Variants in SWT1 observed in about 807,000 individuals in gnomAD.
SWT1 encodes SWT1 RNA endoribonuclease homolog, also known as transcriptional protein SWT1.
In SWT1, 33 loss-of-function variants were observed where a neutral mutation model predicts 107.3. The observed-to-expected ratio is 0.31, with a 90% CI of 0.23 to 0.41. The LOEUF is 0.41. SWT1 is among the 10% of genes least tolerant of loss of function. The pLI is 1.00. For missense variants in SWT1, 898 were observed against 1,028.9 expected (o/e 0.87, Z 1.74); for synonymous variants, 345 against 348.3 (o/e 0.99, Z 0.11).
chr1:185,279,265 G>A (rs1427555924), intron 18 of SWT1, among the ~76,000 whole-genome samples: 2 of 152,234 alleles, frequency 1.3e-5, no homozygotes, highest in East Asian at 1.9e-4. Context: ...GTAGATACAT[G>A]GAGGCCACAA....
At chr1:185,169,309 C>CT (rs1361769845) in intron 4 of SWT1, among the ~76,000 whole-genome samples, 2 of 118,430 alleles carry the variant, frequency 1.7e-5, no homozygotes, top group Non-Finnish European at 3.5e-5. Context: ...ATTTTAAGTT[C>CT]TAAAACACTA....
chr1:185,203,786 C>G (rs769527596), intron 11 of SWT1, among the ~76,000 whole-genome samples: 1 of 151,964 alleles, frequency 6.6e-6, no homozygotes, highest in Non-Finnish European at 1.5e-5. Flanking sequence ...ATTGAAGTCT[C>G]TAATATATGT....
intron 10 of SWT1, among the ~76,000 whole-genome samples, 197 bp downstream of exon 10, chr1:185,190,839 T>G (rs1656890823): frequency 6.6e-6 from 1 of 152,198 alleles, no homozygotes; most frequent in Non-Finnish European, 1.5e-5. Context: ...AGATGAAGTT[T>G]CATTTCAGTT....
chr1:185,164,154 G>A (rs1654384911), intron 2 of SWT1, among the ~76,000 whole-genome samples: 1 of 151,796 alleles, frequency 6.6e-6, no homozygotes, highest in Non-Finnish European at 1.5e-5. Flanking sequence ...CCAGTGAGCA[G>A]TAATATTTTG....
intron 5 of SWT1, chr1:185,176,674 T>C (rs991001796): frequency 1.0e-6 from 1 of 985,294 alleles, no homozygotes; most frequent in Admixed American, 6.2e-5. Context: ...TAAGCCTACC[T>C]GCTTTTAGGT....
chr1:185,245,776 T>G (rs1661562689), intron 16 of SWT1, among the ~76,000 whole-genome samples: 1 of 146,684 alleles, frequency 6.8e-6, no homozygotes, highest in Admixed American at 6.8e-5. Context: ...CATTATAATC[T>G]TTTTTTTTTT....
Position 185,217,408 on chromosome 1 carries a change from T to C in SWT1, c.2121+2753T>C, listed in dbSNP as rs116000460. Among the ~76,000 whole-genome samples, 873 of 152,288 alleles carry C rather than the reference T, an allele frequency of 5.7e-3. 8 individuals are homozygous for C. The highest frequency in any genetic ancestry group is 0.02 in the African/African-American group (839 of 41,564). On this transcript the variant is annotated intron_variant, in intron 14 of 18. Transcript: ENST00000367500. ...GATCAGCAGTGGGATTAGATTCTTA[T>C]AGGAGCATGAACCCTATTGTGAACT...
intron 8 of SWT1, 111 bp downstream of exon 8, chr1:185,184,455 TATATTAAGC>T (rs1216604998): frequency 2.9e-6 from 2 of 694,154 alleles, no homozygotes; most frequent in East Asian, 5.5e-5. Flanking sequence ...AGATATGCTA[TATATTAAGC>T]ATATTCAGTG....
intron 18 of SWT1, among the ~76,000 whole-genome samples, chr1:185,277,657 A>G (rs1453656535): frequency 6.6e-6 from 1 of 152,194 alleles, no homozygotes; most frequent in African/African-American, 2.4e-5. Context: ...AGAGAGTCTT[A>G]GATTCCCTGT....
chr1:185,174,768 G>A lies in SWT1; in HGVS notation c.621G>A (p.Lys207=), dbSNP rs754502110. The part of the protein sequence containing the change: ...NSEKCVLEKW[K]RNQFSQDYNS... ...AAAAATGTGTCTTAGAGAAATGGAA[G>A]AGAAATCAATTTTCTCAGGATTATA... is the stretch of plus-strand genomic sequence containing the variant. Residue 207 remains lysine, a synonymous_variant, in exon 5 of 19, where the codon AAG becomes AAA. Coordinates refer to ENST00000367500, the MANE Select transcript of SWT1 (RefSeq NM_017673.7). The A allele has an allele frequency of 1.2e-6, 2 of 1,610,798 alleles. No homozygotes were observed. The highest frequency in any genetic ancestry group is 1.7e-6 in the Non-Finnish European group (2 of 1,179,308).
In SWT1 at chr1:185,206,650, C is replaced by T. The variant is rs1440724007; in HGVS notation, c.1859C>T (p.Thr620Ile). 6.3e-6 allele frequency: 10 copies of T among 1,591,214 alleles called. No individual in the cohort carries two copies. The highest frequency in any genetic ancestry group is 7.7e-6 in the Non-Finnish European group (9 of 1,170,102). Reference protein sequence around the residue: ...MEILYLKPPWTLLHLLQCFKK... With the variant: ...MEILYLKPPWILLHLLQCFKK... ...ATCCTGTACCTGAAACCACCATGGA[C>T]TCTACTACATTTACTACAGTGCTTT... The change falls in exon 13 of 19, where the codon ACT (threonine) becomes ATT (isoleucine). Residue 620 changes from threonine (T) to isoleucine (I), a missense_variant. Coordinates refer to ENST00000367500, the MANE Select transcript of SWT1 (RefSeq NM_017673.7).
chr1:185,229,418 C>T (rs1660336498), intron 15 of SWT1, among the ~76,000 whole-genome samples: 1 of 151,992 alleles, frequency 6.6e-6, no homozygotes, highest in Non-Finnish European at 1.5e-5. Flanking sequence ...CTCATTTCTC[C>T]CACATTTTGT....
intron 15 of SWT1, among the ~76,000 whole-genome samples, chr1:185,222,450 A>G (rs1483719281): frequency 6.6e-6 from 1 of 151,938 alleles, no homozygotes; most frequent in Admixed American, 6.6e-5. Flanking sequence ...ATTTATCATG[A>G]TCTTCTTTGT....
chr1:185,264,382 T>A lies in SWT1; in HGVS notation c.2442-6941T>A, dbSNP rs892790234. 3.0e-6 allele frequency: 3 copies of A among 985,230 alleles called. No individual in the cohort carries two copies. The African/African-American group carries it at 5.2e-5, about 17-fold the overall frequency. 61.0% of individuals were successfully genotyped at this position (985,230 alleles called of 1,614,324 possible). A position where few individuals can be genotyped will look rare whatever the true frequency, so the allele number is the denominator to read the frequency against. On this transcript the variant is annotated intron_variant, in intron 16 of 18. Coordinates refer to ENST00000367500, the MANE Select transcript of SWT1 (RefSeq NM_017673.7). ...AAAGTTCACTGCTGGAGATGCCTTA[T>A]GAGAAGAGAACAAGTCCCCAAACAG...
chr1:185,160,681 G>A (rs547761623), intron 1 of SWT1, among the ~76,000 whole-genome samples, 152 bp from the exon 2 acceptor site: 31 of 152,152 alleles, frequency 2.0e-4, no homozygotes, highest in Non-Finnish European at 3.5e-4. Context: ...CAGCCTGAGC[G>A]ATGGAGCGAG....
chr1:185,179,017 T>C (rs1655806944), intron 5 of SWT1, among the ~76,000 whole-genome samples: 1 of 152,176 alleles, frequency 6.6e-6, no homozygotes, highest in Non-Finnish European at 1.5e-5. Context: ...GTGCCTATAA[T>C]CCCAGCACTT....
chr1:185,266,075 T>A (rs187306434), intron 16 of SWT1, among the ~76,000 whole-genome samples: 4 of 152,314 alleles, frequency 2.6e-5, no homozygotes, highest in East Asian at 1.9e-4. Flanking sequence ...TTTTATTTTT[T>A]TTTTCTGAGA....
At chr1:185,231,401 A>G (rs528975738) in intron 15 of SWT1, among the ~76,000 whole-genome samples, 176 bp from the exon 16 acceptor site, 31 of 152,330 alleles carry the variant, frequency 2.0e-4, no homozygotes, top group Non-Finnish European at 3.4e-4. Context: ...CTTTACATGA[A>G]TCTTATCCCA....
At chr1:185,182,849 A>G (rs185428227) in intron 7 of SWT1, among the ~76,000 whole-genome samples, 209 of 152,192 alleles carry the variant, frequency 1.4e-3, no homozygotes, top group African/African-American at 4.5e-3. Flanking sequence ...AAAAATGGCA[A>G]TGCTGACCGG....
Sources: gnomAD v4.1 joint callset for allele counts (sites outside exome capture counted in the v4.1 genomes callset) on GRCh38, gnomAD v4.1.1 for gene constraint, MANE v1.5 for transcripts, NCBI Gene and HGNC (gene_info 2026-07-23, HGNC 2026-07-21) for gene names.